Variants in PMF1 observed in about 807,000 individuals in gnomAD.
The protein encoded by PMF1 is polyamine-modulated factor 1.
In PMF1, 21 loss-of-function variants were observed where a neutral mutation model predicts 26.7. The observed-to-expected ratio is 0.79, with a 90% CI of 0.56 to 1.13. The LOEUF (loss-of-function observed/expected upper bound fraction) is 1.13, where lower values mean the gene tolerates loss of function less well. Ranked by LOEUF, PMF1 falls within the 50% of genes most tolerant of loss-of-function variation. The pLI is 0.00. For missense variants in PMF1, 266 were observed against 254.9 expected (o/e 1.04, Z -0.30); for synonymous variants, 105 against 101.0 (o/e 1.04, Z -0.24).
chr1:156,236,569 CAG>C (rs1659028705), intron 4 of PMF1, 86 bp downstream of exon 4: 3 of 1,487,188 alleles, frequency 2.0e-6, no homozygotes, highest in Admixed American at 2.2e-5. Flanking sequence ...CATTCCAACA[CAG>C]GGGACCCCCA....
chr1:156,224,763 CA>C (rs997144015), intron 1 of PMF1, among the ~76,000 whole-genome samples: 70 of 139,306 alleles, frequency 5.0e-4, no homozygotes, highest in African/African-American at 8.9e-4. Flanking sequence ...GACTCCGTCT[CA>C]AAAAAAAAAA....
chr1:156,217,566 A>G (rs1657839178), intron 1 of PMF1, among the ~76,000 whole-genome samples: 1 of 152,102 alleles, frequency 6.6e-6, no homozygotes, highest in South Asian at 2.1e-4. Flanking sequence ...TCTCTACTAA[A>G]AATACAAAAA....
intron 1 of PMF1, among the ~76,000 whole-genome samples, chr1:156,227,090 A>G (rs1199365426): frequency 1.3e-5 from 2 of 152,198 alleles, no homozygotes; most frequent in Non-Finnish European, 2.9e-5. Flanking sequence ...TGCATCTGAC[A>G]TGGTTGTGGG....
At chr1:156,221,841 C>A (rs1658097902) in intron 1 of PMF1, among the ~76,000 whole-genome samples, 1 of 152,136 alleles carries the variant, frequency 6.6e-6, no homozygotes, top group African/African-American at 2.4e-5. Context: ...TTGGCCTGTC[C>A]ATCCCTTTCA....
intron 1 of PMF1, among the ~76,000 whole-genome samples, chr1:156,222,171 G>T (rs143965839): frequency 3.3e-3 from 497 of 152,268 alleles, no homozygotes; most frequent in African/African-American, 0.012. Flanking sequence ...GGAGTACAGC[G>T]CATGCACACC....
At chr1:156,235,408 G>A (rs761462495) in intron 3 of PMF1, among the ~76,000 whole-genome samples, 2 of 150,222 alleles carry the variant, frequency 1.3e-5, no homozygotes, top group African/African-American at 2.5e-5. Flanking sequence ...ACAGGCATGA[G>A]CCACCGCGCT....
At chr1:156,236,213 G>T in intron 3 of PMF1, 75 bp from the exon 4 acceptor site, 1 of 1,541,592 alleles carries the variant, frequency 6.5e-7, no homozygotes, top group East Asian at 2.3e-5. Context: ...CACCGAGTGT[G>T]GGCTTGGAAG....
chr1:156,217,743 A>C (rs532857855), intron 1 of PMF1, among the ~76,000 whole-genome samples: 9 of 151,420 alleles, frequency 5.9e-5, no homozygotes, highest in Non-Finnish European at 1.3e-4. Context: ...AAAAAAAAAA[A>C]CAAAACTAAC....
At chr1:156,225,647 C>T in intron 1 of PMF1, 1 of 1,559,224 alleles carries the variant, frequency 6.4e-7, no homozygotes, top group Non-Finnish European at 8.7e-7. Context: ...GGGCGGCGTG[C>T]AGGTTACCAC....
intron 4 of PMF1, among the ~76,000 whole-genome samples, chr1:156,238,805 CCA>C (rs1376718717): frequency 6.6e-6 from 1 of 152,172 alleles, no homozygotes; most frequent in Non-Finnish European, 1.5e-5. Context: ...CCTACTGTCC[CCA>C]CTCCCTCTGC....
At chr1:156,219,162 G>T (rs550356235) in intron 1 of PMF1, among the ~76,000 whole-genome samples, 3 of 151,562 alleles carry the variant, frequency 2.0e-5, no homozygotes, top group Admixed American at 2.0e-4. Flanking sequence ...CAGGTGATTC[G>T]CCCGCCTCAG....
rs769983178 is a variant in PMF1, at chr1:156,225,596, C to T, written c.162-6724C>T. The T allele has an allele frequency of 1.4e-5, 22 of 1,561,186 alleles. No homozygotes were observed. The African/African-American group carries it at 2.7e-4, about 19-fold the overall frequency. On this transcript the variant is annotated intron_variant, in intron 1 of 4. Transcript: ENST00000368277. Reference sequence around the variant, plus strand: ...ATTGGGACGGAAGTGCTGGTCCCCGCCTGCCCTCTGGTGGACAGTCTGTGA... The same window carrying T: ...ATTGGGACGGAAGTGCTGGTCCCCGTCTGCCCTCTGGTGGACAGTCTGTGA...
At chr1:156,233,076 C>T (rs535632274) in intron 2 of PMF1, among the ~76,000 whole-genome samples, 4 of 151,828 alleles carry the variant, frequency 2.6e-5, no homozygotes, top group South Asian at 4.2e-4. Context: ...TGCACCCCCA[C>T]GCCTAGCTAA....
intron 1 of PMF1, among the ~76,000 whole-genome samples, chr1:156,214,453 C>T (rs953917397): frequency 9.9e-5 from 15 of 152,196 alleles, no homozygotes; most frequent in African/African-American, 3.6e-4. Flanking sequence ...TTTGTCTTCA[C>T]TCATGACTCA....
chr1:156,229,552 C>A (rs1057122772), intron 1 of PMF1, among the ~76,000 whole-genome samples: 2 of 145,838 alleles, frequency 1.4e-5, no homozygotes. Context: ...TGTTTGGAGT[C>A]TTTAGGACCT....
At position 156,225,688 on chromosome 1, in the gene PMF1, T is replaced by A; in HGVS notation, c.162-6632T>A. On this transcript the variant is annotated intron_variant, in intron 1 of 4. Coordinates refer to ENST00000368277, the MANE Select transcript of PMF1 (RefSeq NM_007221.4). ...AGGAAGGCAAGTCCTGGCTCCTTTTTTGGCTCCCTTAGCACTGTGTACACC... is the reference window on the plus strand; with the variant it reads ...AGGAAGGCAAGTCCTGGCTCCTTTTATGGCTCCCTTAGCACTGTGTACACC... 6 of 1,361,588 alleles carry A rather than the reference T, an allele frequency of 4.4e-6. No individual in the cohort carries two copies. In the South Asian group the frequency reaches 7.5e-5, roughly 17 times the overall value. The allele number at this position is 1,361,588 out of a possible 1,614,324, so 84.3% of individuals were successfully genotyped here.
intron 1 of PMF1, among the ~76,000 whole-genome samples, chr1:156,213,594 A>G (rs553792758): frequency 2.6e-5 from 4 of 151,988 alleles, no homozygotes; most frequent in Admixed American, 1.3e-4. Context: ...CTTCCCAAGT[A>G]GCCGGGACTA....
At chr1:156,239,487 G>A in intron 4 of PMF1, 61 bp from the exon 5 acceptor site, 1 of 1,380,640 alleles carries the variant, frequency 7.2e-7, no homozygotes, top group Non-Finnish European at 1.0e-6. Flanking sequence ...AGGGACAGTG[G>A]AGGGCAAGGA....
intron 1 of PMF1, among the ~76,000 whole-genome samples, chr1:156,231,388 T>G (rs1270442234): frequency 6.7e-6 from 1 of 149,950 alleles, no homozygotes; most frequent in Non-Finnish European, 1.5e-5. Flanking sequence ...GGTGATGGAA[T>G]GAGATCCTGT....
Sources: gnomAD v4.1 joint callset for allele counts (sites outside exome capture counted in the v4.1 genomes callset) on GRCh38, gnomAD v4.1.1 for gene constraint, MANE v1.5 for transcripts, NCBI Gene and HGNC (gene_info 2026-07-23, HGNC 2026-07-21) for gene names.